Variants in DLGAP1 observed in about 807,000 individuals in gnomAD.
DLGAP1 encodes the protein disks large-associated protein 1.
In DLGAP1, 11 loss-of-function variants were observed where a neutral mutation model predicts 90.8. That is an observed-to-expected ratio of 0.12 (90% confidence interval 0.08 to 0.20). The LOEUF (loss-of-function observed/expected upper bound fraction) is 0.20. Ranked by LOEUF, DLGAP1 falls within the 10% of genes least tolerant of loss-of-function variation. The pLI, the probability that DLGAP1 is intolerant of heterozygous loss-of-function variation, is 1.00. For synonymous variants in DLGAP1, 558 were observed against 540.7 expected, an observed-to-expected ratio of 1.03 and a Z score of -0.44; for missense variants, 1,050 against 1,333.8, an observed-to-expected ratio of 0.79 and a Z score of 3.31.
chr18:3,772,836 G>T (rs866207326), intron 5 of DLGAP1, among the ~76,000 whole-genome samples: 28 of 152,156 alleles, frequency 1.8e-4, no homozygotes, highest in African/African-American at 6.5e-4. Flanking sequence ...AGGACTTCCA[G>T]GTGATTCTTA....
At chr18:3,668,888 G>A (rs1280472742) in intron 7 of DLGAP1, among the ~76,000 whole-genome samples, 1 of 152,066 alleles carries the variant, frequency 6.6e-6, no homozygotes, top group South Asian at 2.1e-4. Flanking sequence ...GGGAGGTTGA[G>A]GTAGGAGATC....
chr18:4,118,106 TTGCACCATGGAGCTATGAG>T (rs1283776630), intron 2 of DLGAP1, among the ~76,000 whole-genome samples: 3 of 152,114 alleles, frequency 2.0e-5, no homozygotes, highest in African/African-American at 7.2e-5. Flanking sequence ...ATGTGGTAGC[TTGCACCATGGAGCTATGAG>T]TGCCTTCTGA....
intron 2 of DLGAP1, among the ~76,000 whole-genome samples, chr18:4,016,653 A>C (rs1599331638): frequency 2.0e-5 from 3 of 147,394 alleles, no homozygotes; most frequent in Non-Finnish European, 4.6e-5. Context: ...GACCTGCGTA[A>C]GTGTTCCTTG....
intron 2 of DLGAP1, among the ~76,000 whole-genome samples, chr18:4,053,259 C>T (rs1244622404): frequency 6.6e-6 from 1 of 152,154 alleles, no homozygotes; most frequent in Admixed American, 6.5e-5. Context: ...CCTCAGGAAA[C>T]TTATAATCAT....
At chr18:4,147,550 G>A (rs1167059447) in intron 2 of DLGAP1, among the ~76,000 whole-genome samples, 1 of 151,752 alleles carries the variant, frequency 6.6e-6, no homozygotes. Flanking sequence ...GTTCTTGGTT[G>A]CTAAACCTGT....
chr18:4,290,012 A>G (rs1432808413), intron 1 of DLGAP1, among the ~76,000 whole-genome samples: 1 of 152,150 alleles, frequency 6.6e-6, no homozygotes, highest in African/African-American at 2.4e-5. Flanking sequence ...GTAACATTCT[A>G]TGTAAAAAAG....
chr18:3,669,578 T>C (rs2060008944), intron 7 of DLGAP1, among the ~76,000 whole-genome samples: 1 of 152,218 alleles, frequency 6.6e-6, no homozygotes, highest in South Asian at 2.1e-4. Flanking sequence ...CTCCCGCACA[T>C]GGATCGATGC....
chr18:4,148,636 T>G (rs756561980), intron 2 of DLGAP1, among the ~76,000 whole-genome samples: 4 of 152,180 alleles, frequency 2.6e-5, no homozygotes, highest in Non-Finnish European at 5.9e-5. Context: ...GTCTGCTCTT[T>G]TTGGTATTTC....
chr18:4,238,617 G>C (rs531826979), intron 1 of DLGAP1, among the ~76,000 whole-genome samples: 1 of 152,236 alleles, frequency 6.6e-6, no homozygotes, highest in East Asian at 1.9e-4. Flanking sequence ...TACTTGCTGA[G>C]AAGTTTTATT....
chr18:4,392,369 G>C (rs2082356574), intron 1 of DLGAP1, among the ~76,000 whole-genome samples: 1 of 152,084 alleles, frequency 6.6e-6, no homozygotes, highest in African/African-American at 2.4e-5. Context: ...TAAAATGTGA[G>C]TGAAAATACA....
intron 8 of DLGAP1, 110 bp from the exon 9 acceptor site, chr18:3,567,691 A>T: frequency 1.1e-6 from 1 of 921,162 alleles, no homozygotes. Context: ...ATGTTTTGTA[A>T]TTTATAACCT....
At chr18:4,178,607 T>C (rs976029042) in intron 1 of DLGAP1, among the ~76,000 whole-genome samples, 2 of 152,160 alleles carry the variant, frequency 1.3e-5, no homozygotes, top group African/African-American at 4.8e-5. Context: ...TCATACCCAT[T>C]TCTTTGCATA....
intron 2 of DLGAP1, among the ~76,000 whole-genome samples, chr18:4,064,976 C>T (rs1199547268): frequency 6.6e-6 from 1 of 152,042 alleles, no homozygotes; most frequent in Non-Finnish European, 1.5e-5. Flanking sequence ...AAAGGTTATC[C>T]ACCACAATCA....
intron 5 of DLGAP1, among the ~76,000 whole-genome samples, chr18:3,794,790 G>A (rs1397453749): frequency 2.6e-5 from 4 of 152,336 alleles, no homozygotes; most frequent in East Asian, 3.9e-4. Flanking sequence ...ATTCAGCAGC[G>A]GAGGAAGCTC....
chr18:4,407,004 T>C (rs921561243), intron 1 of DLGAP1, among the ~76,000 whole-genome samples: 1 of 152,218 alleles, frequency 6.6e-6, no homozygotes, highest in African/African-American at 2.4e-5. Flanking sequence ...AGCTTTCCTT[T>C]TAAAATTGCA....
intron 1 of DLGAP1, among the ~76,000 whole-genome samples, chr18:4,157,808 A>G (rs1192268997): frequency 1.3e-5 from 2 of 152,190 alleles, no homozygotes; most frequent in Admixed American, 1.3e-4. Context: ...TAAGTGTGCT[A>G]TGTCTGTGAG....
At chr18:3,761,341 A>G (rs1290745425) in intron 5 of DLGAP1, among the ~76,000 whole-genome samples, 1 of 152,058 alleles carries the variant, frequency 6.6e-6, no homozygotes, top group African/African-American at 2.4e-5. Context: ...ATCATACAAA[A>G]TTTGTCCTTT....
intron 2 of DLGAP1, among the ~76,000 whole-genome samples, chr18:4,139,623 A>C (rs1198610796): frequency 6.6e-6 from 1 of 151,986 alleles, no homozygotes; most frequent in East Asian, 1.9e-4. Flanking sequence ...ATAAATATCT[A>C]TTAGGTCCAA....
At chr18:4,439,672 G>A (rs1383756138) in intron 1 of DLGAP1, among the ~76,000 whole-genome samples, 1 of 152,090 alleles carries the variant, frequency 6.6e-6, no homozygotes, top group Non-Finnish European at 1.5e-5. Flanking sequence ...AGCCAGGCAT[G>A]GTGGCACACA....
Sources: gnomAD v4.1 joint callset for allele counts (sites outside exome capture counted in the v4.1 genomes callset) on GRCh38, gnomAD v4.1.1 for gene constraint, MANE v1.5 for transcripts, NCBI Gene and HGNC (gene_info 2026-07-23, HGNC 2026-07-21) for gene names.